WIPF2: variants seen among roughly 807,000 people sequenced by gnomAD.
WIPF2 encodes WAS/WASL interacting protein family member 2, also known as WAS/WASL-interacting protein family member 2.
A neutral mutation model predicts 38.8 loss-of-function variants in WIPF2; 23 were observed. The ratio of observed to expected loss-of-function variants is 0.59; its 90% CI spans 0.43 to 0.84. The LOEUF is 0.84. Ranked by LOEUF, WIPF2 falls within the 40% of genes least tolerant of loss-of-function variation. The pLI, the probability that WIPF2 is intolerant of heterozygous loss-of-function variation, is 0.00. For missense variants in WIPF2, 574 were observed against 580.5 expected (o/e 0.99, Z 0.11); for synonymous variants, 210 against 223.2 (o/e 0.94, Z 0.53).
At chr17:40,246,123 G>A (rs2031354342) in intron 1 of WIPF2, among the ~76,000 whole-genome samples, 2 of 137,450 alleles carry the variant, frequency 1.5e-5, no homozygotes, top group African/African-American at 2.7e-5. Context: ...GAGTCTCACT[G>A]TTGCCCAGGC....
At chr17:40,266,941 G>A (rs2032107887) in intron 5 of WIPF2, among the ~76,000 whole-genome samples, 1 of 152,168 alleles carries the variant, frequency 6.6e-6, no homozygotes, top group African/African-American at 2.4e-5. Flanking sequence ...AGTGGTAGAA[G>A]CATGTGGAAA....
chr17:40,264,579 C>T lies in WIPF2; in HGVS notation c.403C>T (p.Gln135Ter), dbSNP rs1176500354. 6.2e-7 allele frequency: 1 copy of T among 1,614,156 alleles called. No homozygotes were observed. The change falls in exon 5 of 8, where the codon CAG becomes TAG. Residue 135 changes from glutamine to a stop codon, truncating the protein, a stop_gained. Coordinates refer to ENST00000323571, the MANE Select transcript of WIPF2 (RefSeq NM_133264.5). LOFTEE classifies it high-confidence loss of function. ...PPVSAASGRP[Q>*]DDTDSSRASL... ...AGTATCTGCCGCCAGCGGGCGTCCTCAGGATGATACAGACAGCAGCCGGGC... is the reference window on the plus strand; with the variant it reads ...AGTATCTGCCGCCAGCGGGCGTCCTTAGGATGATACAGACAGCAGCCGGGC...
At chr17:40,234,997 C>G (rs987239929) in intron 1 of WIPF2, among the ~76,000 whole-genome samples, 7 of 151,928 alleles carry the variant, frequency 4.6e-5, no homozygotes, top group African/African-American at 1.7e-4. Context: ...CAGCTCACTG[C>G]AAGCTCTGCC....
intron 5 of WIPF2, among the ~76,000 whole-genome samples, chr17:40,268,595 A>G (rs944985935): frequency 2.0e-5 from 3 of 151,936 alleles, no homozygotes; most frequent in Non-Finnish European, 4.4e-5. Flanking sequence ...GGCTCATTAA[A>G]ATTTTTTTTT....
chr17:40,225,475 A>C (rs1427719920), intron 1 of WIPF2, among the ~76,000 whole-genome samples: 1 of 152,152 alleles, frequency 6.6e-6, no homozygotes, highest in African/African-American at 2.4e-5. Context: ...AGAAGTATGT[A>C]AGTTATCAAA....
chr17:40,262,664 G>T (rs958007741), intron 4 of WIPF2, 23 bp downstream of exon 4: 1 of 1,593,276 alleles, frequency 6.3e-7, no homozygotes, highest in Non-Finnish European at 8.6e-7. Context: ...TACTTTCCCA[G>T]GGTATTTCCC....
intron 1 of WIPF2, among the ~76,000 whole-genome samples, chr17:40,240,470 A>C (rs1002136547): frequency 6.6e-6 from 1 of 150,858 alleles, no homozygotes; most frequent in Non-Finnish European, 1.5e-5. Context: ...TCAGAAGTTC[A>C]TCTGTGGTGG....
rs753934114 is a variant in WIPF2 at position 40,277,198 on chromosome 17, TAAG to T, written c.1282+18_1282+20del. On this transcript the variant is annotated intron_variant, in intron 7 of 7. Coordinates refer to ENST00000323571, the MANE Select transcript of WIPF2 (RefSeq NM_133264.5). ...AAACAAACCGAGGTGAGAATAATAA[TAAG>T]AAGGTTTTTCCATAATTGCATAGAA... is the stretch of plus-strand genomic sequence containing the variant. 6 of 1,579,162 alleles carry T rather than the reference TAAG, an allele frequency of 3.8e-6. No homozygotes were observed. The highest frequency in any genetic ancestry group is 1.8e-5 in the Admixed American group (1 of 54,916).
chr17:40,231,747 C>T (rs1415551639), intron 1 of WIPF2, among the ~76,000 whole-genome samples: 1 of 151,492 alleles, frequency 6.6e-6, no homozygotes, highest in East Asian at 2.0e-4. Flanking sequence ...ATATATGGAG[C>T]GTGCAGATGA....
chr17:40,241,016 G>A (rs2031172741), intron 1 of WIPF2, among the ~76,000 whole-genome samples: 1 of 151,516 alleles, frequency 6.6e-6, no homozygotes, highest in Non-Finnish European at 1.5e-5. Flanking sequence ...ATTAATGCAT[G>A]CAATATATTA....
chr17:40,238,131 ACAGACGTGAGCC>A (rs1303723062), intron 1 of WIPF2, among the ~76,000 whole-genome samples: 2 of 151,498 alleles, frequency 1.3e-5, no homozygotes, highest in Non-Finnish European at 2.9e-5. Context: ...TGCTGGGATT[ACAGACGTGAGCC>A]ACCACCCCTG....
Position 40,219,394 on chromosome 17 carries a change from G to GCGGCGT in WIPF2, c.-163_-162insTCGGCG, listed in dbSNP as rs930602459. The GCGGCGT allele has an allele frequency of 7.2e-6, 3 of 416,540 alleles. No individual in the cohort carries two copies. The highest frequency in any genetic ancestry group is 2.2e-5 in the South Asian group (1 of 45,978). The allele number at this position is 416,540 out of a possible 1,614,324, so 25.8% of individuals were successfully genotyped here. On this transcript the variant is annotated 5_prime_UTR_variant, in exon 1 of 8. Coordinates refer to ENST00000323571, the MANE Select transcript of WIPF2 (RefSeq NM_133264.5). The stretch of plus-strand genomic sequence containing the variant: ...GGCGGCGGCGGCGGCGGCGGCGGCG[G>GCGGCGT]CGGCGACGGCGAGAAAGAGCTTGCC...
intron 1 of WIPF2, among the ~76,000 whole-genome samples, chr17:40,255,246 T>C (rs913750798): frequency 6.6e-6 from 1 of 151,832 alleles, no homozygotes; most frequent in Non-Finnish European, 1.5e-5. Context: ...TAATCCCAGC[T>C]GTGAGGCTGA....
intron 2 of WIPF2, among the ~76,000 whole-genome samples, chr17:40,259,783 G>T (rs557862671): frequency 2.0e-5 from 3 of 152,064 alleles, no homozygotes; most frequent in Admixed American, 6.6e-5. Context: ...TCCAAATGGC[G>T]ACAATGATAA....
chr17:40,268,220 G>T (rs1417214328), intron 5 of WIPF2, among the ~76,000 whole-genome samples: 1 of 152,190 alleles, frequency 6.6e-6, no homozygotes, highest in African/African-American at 2.4e-5. Context: ...CAGCTTCTTT[G>T]TTCAGTACAT....
chr17:40,256,743 A>G (rs1692168266), intron 2 of WIPF2, among the ~76,000 whole-genome samples: 1 of 152,164 alleles, frequency 6.6e-6, no homozygotes, highest in Admixed American at 6.6e-5. Flanking sequence ...TGTATAATCA[A>G]TGACATGTGG....
chr17:40,219,459 G>T lies in WIPF2; in HGVS notation c.-103G>T. On this transcript the variant is annotated 5_prime_UTR_variant, in exon 1 of 8. Transcript: ENST00000323571. The stretch of plus-strand genomic sequence containing the variant: ...ACAGGACGAAGCCGGAGTGTAGGCG[G>T]CAGAGGATTCGCTCCCAGAGCAGCT... 3.7e-6 allele frequency: 1 copy of T among 266,942 alleles called. No individual in the cohort carries two copies. The allele number at this position is 266,942 out of a possible 1,614,324, so 16.5% of individuals were successfully genotyped here.
chr17:40,235,376 T>G (rs1274773060), intron 1 of WIPF2, among the ~76,000 whole-genome samples: 3 of 152,142 alleles, frequency 2.0e-5, no homozygotes. Flanking sequence ...TTTACTTCCT[T>G]GTGTAGTTTT....
In WIPF2 at chr17:40,273,774, T is replaced by C. The variant is rs1258550486; in HGVS notation, c.971-16T>C. ...TCTCCACATCCAAACCTAACTACTT[T>C]GGATTTTAATTGCAGCTCCTCCACC... is the stretch of plus-strand genomic sequence containing the variant. On this transcript the variant is annotated splice_polypyrimidine_tract_variant and intron_variant, in intron 5 of 7. Transcript: ENST00000323571. 1 of 1,590,194 alleles carries C rather than the reference T, an allele frequency of 6.3e-7. No homozygotes were observed. The highest frequency in any genetic ancestry group is 8.6e-7 in the Non-Finnish European group (1 of 1,160,064).
Sources: gnomAD v4.1 joint callset for allele counts (sites outside exome capture counted in the v4.1 genomes callset) on GRCh38, gnomAD v4.1.1 for gene constraint, MANE v1.5 for transcripts, NCBI Gene and HGNC (gene_info 2026-07-23, HGNC 2026-07-21) for gene names.